ACLY: variants seen among roughly 807,000 people sequenced by gnomAD.
ACLY encodes the protein ATP-citrate synthase.
ACLY carries 41 observed loss-of-function variants against 133.0 expected under a neutral mutation model. The ratio of observed to expected loss-of-function variants is 0.31; its 90% CI spans 0.24 to 0.40. The LOEUF (loss-of-function observed/expected upper bound fraction) is 0.40, where lower values mean the gene tolerates loss of function less well. ACLY is among the 10% of genes least tolerant of loss of function. The pLI is 1.00. For synonymous variants in ACLY, 495 were observed against 549.3 expected (o/e 0.90, Z 1.38); for missense variants, 1,046 against 1,453.8 (o/e 0.72, Z 4.56).
rs782655240 is a variant in ACLY at position 41,918,939 on chromosome 17, G to A, written c.-83C>T. 5 of 1,289,136 alleles carry A rather than the reference G, an allele frequency of 3.9e-6. No homozygotes were observed. The South Asian group carries it at 4.9e-5, about 13-fold the overall frequency. 79.9% of individuals were successfully genotyped at this position (1,289,136 alleles called of 1,614,324 possible). A position where few individuals can be genotyped will look rare whatever the true frequency, so the allele number is the denominator to read the frequency against. On this transcript the variant is annotated 5_prime_UTR_variant, in exon 1 of 29. Coordinates refer to ENST00000352035, the MANE Select transcript of ACLY (RefSeq NM_001096.3). ...AGGCCCGACGAACCCCGCAAAATCC[G>A]GAGCACCCCAGCAGCCGGTAGCTTC...
At chr17:41,907,715 C>G (rs2049764698) in intron 6 of ACLY, 143 bp from the exon 7 acceptor site, 1 of 912,668 alleles carries the variant, frequency 1.1e-6, no homozygotes, top group South Asian at 1.8e-5. Context: ...ACCAGAGAGG[C>G]CCTTATGGAG....
chr17:41,928,294 G>C (rs1381999174), intron 1 of ACLY, among the ~76,000 whole-genome samples: 2 of 152,164 alleles, frequency 1.3e-5, no homozygotes, highest in African/African-American at 4.8e-5. Context: ...TTGTGGAAAA[G>C]AGTATCCTTT....
intron 1 of ACLY, among the ~76,000 whole-genome samples, chr17:41,915,660 A>G (rs543021562): frequency 6.6e-6 from 1 of 152,016 alleles, no homozygotes; most frequent in East Asian, 1.9e-4. Context: ...ATGACTTGAG[A>G]TTCCTTCTCA....
chr17:41,906,535 C>A lies in ACLY; in HGVS notation c.859G>T (p.Val287Leu), dbSNP rs369798437. 1 of 1,613,918 alleles carries A rather than the reference C, an allele frequency of 6.2e-7. No homozygotes were observed. Among genetic ancestry groups the A allele is most frequent in the African/African-American group, 1.3e-5 (1 of 74,898 alleles). The change falls in exon 8 of 29, where the codon GTG becomes TTG. Residue 287 changes from valine (V) to leucine (L), a missense_variant. Coordinates refer to ENST00000352035, the MANE Select transcript of ACLY (RefSeq NM_001096.3). ...GCAACCCCCTTCGGTCACCTGTACA[C>A]GACAGAGGCGCCACCCCCGGCCACC... ...TMVAGGGASVVYSDTICDLGG... is the reference protein window; with the variant it reads ...TMVAGGGASVLYSDTICDLGG...
Position 41,883,125 on chromosome 17 carries a change from AGAG to A in ACLY, c.2259_2261del (p.Ser754del). On this transcript the variant is annotated inframe_deletion, in exon 20 of 29. Coordinates refer to ENST00000352035, the MANE Select transcript of ACLY (RefSeq NM_001096.3). ...AAGTGACCCATCTCAGCCATACCTC[AGAG>A]GAGAACATGGTGGCACACGTCCCGA... The A allele has an allele frequency of 5.6e-6, 9 of 1,613,614 alleles. No individual in the cohort carries two copies. Among genetic ancestry groups the A allele is most frequent in the Non-Finnish European group, 7.6e-6 (9 of 1,179,852 alleles).
chr17:41,926,452 G>A (rs1381796415), intron 1 of ACLY, among the ~76,000 whole-genome samples: 3 of 152,206 alleles, frequency 2.0e-5, no homozygotes, highest in Non-Finnish European at 4.4e-5. Context: ...TAAATTGCCA[G>A]AAAGCACACA....
chr17:41,900,069 C>CAAAAAAAAAAAAAAAAAAAA lies in ACLY; in HGVS notation c.1184-1304_1184-1285dup, dbSNP rs60296550. Among the ~76,000 whole-genome samples, 24 of 46,630 alleles carry CAAAAAAAAAAAAAAAAAAAA rather than the reference C, an allele frequency of 5.1e-4. 2 individuals are homozygous for CAAAAAAAAAAAAAAAAAAAA. Among genetic ancestry groups the CAAAAAAAAAAAAAAAAAAAA allele is most frequent in the African/African-American group, 9.9e-4 (15 of 15,188 alleles). 30.6% of individuals were successfully genotyped at this position (46,630 alleles called of 152,430 possible). ...GGGTGACAGAGTGAGACCCTGTCTC[C>CAAAAAAAAAAAAAAAAAAAA]AAAAAAAAAAAAAAAAAAAAAAAAA... On this transcript the variant is annotated intron_variant, in intron 11 of 28. Transcript: ENST00000352035.
Position 41,887,670 on chromosome 17 carries a change from G to A in ACLY, c.1804C>T (p.Pro602Ser), listed in dbSNP as rs2049092352. 1 of 1,613,624 alleles carries A rather than the reference G, an allele frequency of 6.2e-7. No homozygotes were observed. Among genetic ancestry groups the A allele is most frequent in the Non-Finnish European group, 8.5e-7 (1 of 1,179,788 alleles). The change falls in exon 17 of 29, where the codon CCT becomes TCT. Residue 602 changes from proline to serine, a missense_variant. Physicochemically the swap from Pro to Ser is moderately conservative, Grantham distance 74 (BLOSUM62 -1). Transcript: ENST00000352035. ...RTIAIIAEGI[P>S]EALTRKLIKK... Reference sequence around the variant, plus strand: ...ATCAGCTTTCTCGTGAGGGCCTCAGGGATGCCTTCAGCTATGATGGCGATG... The same window carrying A: ...ATCAGCTTTCTCGTGAGGGCCTCAGAGATGCCTTCAGCTATGATGGCGATG...
chr17:41,929,101 T>G (rs2050279143), intron 1 of ACLY, among the ~76,000 whole-genome samples: 1 of 151,458 alleles, frequency 6.6e-6, no homozygotes. Flanking sequence ...TTCCTTTTTT[T>G]TTTTTTTTTT....
At chr17:41,919,007 G>A (rs1555635037), upstream of ACLY, 2 of 1,285,094 alleles carry the variant, frequency 1.6e-6, no homozygotes, top group South Asian at 1.2e-5. Flanking sequence ...ACTTTTCCCC[G>A]CCCCCATCGG....
Position 41,892,240 on chromosome 17 carries a change from T to TGGGGGGGGGGGGGGGGGGGGGGGGG in ACLY, c.1770+38_1770+39insCCCCCCCCCCCCCCCCCCCCCCCCC. ...CAGTGATCTACCTGCGCATAGTTCATGGTCCCCACCCCCCACCCTCCAGAG... is the reference window on the plus strand; with the variant it reads ...CAGTGATCTACCTGCGCATAGTTCATGGGGGGGGGGGGGGGGGGGGGGGGGGGTCCCCACCCCCCACCCTCCAGAG... On this transcript the variant is annotated intron_variant, in intron 16 of 28. Coordinates refer to ENST00000352035, the MANE Select transcript of ACLY (RefSeq NM_001096.3). The TGGGGGGGGGGGGGGGGGGGGGGGGG allele has an allele frequency of 4.7e-5, 19 of 400,156 alleles. 3 individuals are homozygous for TGGGGGGGGGGGGGGGGGGGGGGGGG. Among genetic ancestry groups the TGGGGGGGGGGGGGGGGGGGGGGGGG allele is most frequent in the Non-Finnish European group, 7.1e-5 (18 of 251,754 alleles). 24.8% of individuals were successfully genotyped at this position (400,156 alleles called of 1,614,324 possible).
In ACLY at chr17:41,867,178, A is replaced by G. The variant is rs1420549024; in HGVS notation, c.*632T>C. 1 of 152,674 alleles carries G rather than the reference A, an allele frequency of 6.5e-6. No individual in the cohort carries two copies. Among genetic ancestry groups the G allele is most frequent in the Non-Finnish European group, 1.5e-5 (1 of 68,046 alleles). The allele number at this position is 152,674 out of a possible 1,614,324, so 9.5% of individuals were successfully genotyped here. Reference sequence around the variant, plus strand: ...TTTACATATTAAGTTACTACTCCACATATTTTGTGACAATGGCTAAGGATG... The same window carrying G: ...TTTACATATTAAGTTACTACTCCACGTATTTTGTGACAATGGCTAAGGATG... On this transcript the variant is annotated 3_prime_UTR_variant, in exon 29 of 29. Transcript: ENST00000352035.
chr17:41,902,316 C>A (rs951392237), intron 10 of ACLY, among the ~76,000 whole-genome samples: 1 of 152,162 alleles, frequency 6.6e-6, no homozygotes, highest in Non-Finnish European at 1.5e-5. Context: ...TGGGTTCAAG[C>A]GATTCTCCTG....
At chr17:41,872,212 T>A (rs781993422) in intron 23 of ACLY, 30 bp from the exon 24 acceptor site, 2 of 1,603,484 alleles carry the variant, frequency 1.2e-6, no homozygotes, top group Non-Finnish European at 1.7e-6. Flanking sequence ...GGCCAGGAGA[T>A]GGTCGACAAG....
chr17:41,918,820 A>C, intron 1 of ACLY, 60 bp downstream of exon 1: 1 of 1,268,370 alleles, frequency 7.9e-7, no homozygotes, highest in Admixed American at 2.5e-5. Flanking sequence ...TGGGGGACGG[A>C]GGCAGGAAGC....
intron 22 of ACLY, among the ~76,000 whole-genome samples, chr17:41,875,207 G>A (rs1555625838): frequency 6.6e-6 from 1 of 151,986 alleles, no homozygotes; most frequent in African/African-American, 2.4e-5. Flanking sequence ...AAAATTAGCT[G>A]GGCGTGGTGG....
At chr17:41,918,346 C>A (rs1258141570) in intron 1 of ACLY, among the ~76,000 whole-genome samples, 1 of 152,232 alleles carries the variant, frequency 6.6e-6, no homozygotes, top group East Asian at 1.9e-4. Flanking sequence ...TGGCCCGCCC[C>A]GGAGGCGCGC....
At chr17:41,870,029 G>C (rs1555624770) in intron 25 of ACLY, among the ~76,000 whole-genome samples, 1 of 152,178 alleles carries the variant, frequency 6.6e-6, no homozygotes, top group Non-Finnish European at 1.5e-5. Context: ...GGGAGGCAAA[G>C]TATTCCCAAA....
At position 41,892,274 on chromosome 17, in the gene ACLY, T is replaced by C. The variant is rs376613813; in HGVS notation, c.1770+5A>G. The C allele has an allele frequency of 3.6e-5, 26 of 718,626 alleles. No individual in the cohort carries two copies. The highest frequency in any genetic ancestry group is 5.1e-5 in the Non-Finnish European group (26 of 505,240). 44.5% of individuals were successfully genotyped at this position (718,626 alleles called of 1,614,324 possible). A position where few individuals can be genotyped will look rare whatever the true frequency, so the allele number is the denominator to read the frequency against. On this transcript the variant is annotated splice_donor_5th_base_variant and intron_variant, in intron 16 of 28. Transcript: ENST00000352035. ...CCCCCCACCCTCCAGAGCCCAGTGATCTACCTGGGCATAGTTCATGGTCTC... is the reference window on the plus strand; with the variant it reads ...CCCCCCACCCTCCAGAGCCCAGTGACCTACCTGGGCATAGTTCATGGTCTC...
Sources: gnomAD v4.1 joint callset for allele counts (sites outside exome capture counted in the v4.1 genomes callset) on GRCh38, gnomAD v4.1.1 for gene constraint, MANE v1.5 for transcripts, NCBI Gene and HGNC (gene_info 2026-07-23, HGNC 2026-07-21) for gene names.